Variants in NDUFA11 observed in about 807,000 individuals in gnomAD.
The protein encoded by NDUFA11 is NADH:ubiquinone oxidoreductase subunit A11.
NDUFA11 carries 14 observed loss-of-function variants against 11.3 expected under a neutral mutation model. The observed-to-expected ratio is 1.24, with a 90% CI of 0.82 to 1.94. The LOEUF is 1.94. Ranked by LOEUF, NDUFA11 falls within the 30% of genes most tolerant of loss-of-function variation. The probability of loss-of-function intolerance (pLI) is 0.00; values close to 1 mark genes in which losing one functional copy is unlikely to be tolerated. For missense variants in NDUFA11, 204 were observed against 200.3 expected, an observed-to-expected ratio of 1.02 and a Z score of -0.11; for synonymous variants, 87 against 85.6, an observed-to-expected ratio of 1.02 and a Z score of -0.09.
chr19:5,896,765 G>T lies in NDUFA11; in HGVS notation c.190+140C>A. 1 of 1,179,346 alleles carries T rather than the reference G, an allele frequency of 8.5e-7. No homozygotes were observed. The highest frequency in any genetic ancestry group is 1.3e-6 in the Non-Finnish European group (1 of 793,144). 73.1% of individuals were successfully genotyped at this position (1,179,346 alleles called of 1,614,324 possible). On this transcript the variant is annotated intron_variant, in intron 2 of 3. Coordinates refer to ENST00000308961, the MANE Select transcript of NDUFA11 (RefSeq NM_175614.5). The surrounding 1 kb of genome is among the most constrained non-coding windows in gnomAD (Gnocchi z 5.8). ...CACCCTACATGTATTCCTGATAAAG[G>T]AACACCCCACTTTCTCCGGATGGCC...
In NDUFA11 at chr19:5,894,799, G is replaced by C; in HGVS notation, c.369C>G (p.Ser123=). Residue 123 remains serine, a synonymous_variant, in exon 4 of 4, where the codon TCC becomes TCG. Transcript: ENST00000308961. ...AACVYFGIAA[S]LVKMGRLEGW... is the part of the protein sequence containing the mutation. ...CCTCCAGCCGGCCCATCTTGACCAG[G>C]GAGGCCGCTATGCCAAAGTACACGC... The C allele has an allele frequency of 6.2e-7, 1 of 1,613,690 alleles. No homozygotes were observed.
chr19:5,901,638 C>T (rs4807055), intron 1 of NDUFA11: 125,624 of 274,574 alleles, frequency 0.46, 30,777 homozygotes, highest in East Asian at 0.68. Flanking sequence ...CTTATAGACA[C>T]ACCAGGTTGT....
downstream of NDUFA11, chr19:5,892,991 C>T (rs1462960490): frequency 1.3e-6 from 2 of 1,523,602 alleles, no homozygotes; most frequent in East Asian, 2.5e-5. Context: ...AGGGCCCCTG[C>T]CCCTCTGGGT....
downstream of NDUFA11, chr19:5,892,757 C>T: frequency 1.0e-6 from 1 of 990,434 alleles, no homozygotes; most frequent in Non-Finnish European, 1.4e-6. Flanking sequence ...GGCCGGTGCC[C>T]TCGAGTGGAT....
chr19:5,898,737 G>A (rs961197549), intron 1 of NDUFA11, among the ~76,000 whole-genome samples: 1 of 152,068 alleles, frequency 6.6e-6, no homozygotes, highest in Non-Finnish European at 1.5e-5. Flanking sequence ...AGCCAGGCAT[G>A]GTGGTACACA....
Position 5,896,920 on chromosome 19 carries a change from A to G in NDUFA11, c.175T>C (p.Tyr59His), listed in dbSNP as rs1398141696. 2 of 1,613,910 alleles carry G rather than the reference A, an allele frequency of 1.2e-6. No individual in the cohort carries two copies. Among genetic ancestry groups the G allele is most frequent in the Non-Finnish European group, 1.7e-6 (2 of 1,179,932 alleles). ...GCGTGCTCACCTGCAGTGAACGTGT[A>G]TTGTCCAACCTTAGCCACTCCTTCA... ...FLEGVAKVGQ[Y>H]TFTAAAVGAV... The change falls in exon 2 of 4, where the codon TAC (tyrosine) becomes CAC (histidine). Residue 59 changes from tyrosine to histidine, a missense_variant. Physicochemically the swap from Tyr to His is moderately conservative, Grantham distance 83. Coordinates refer to ENST00000308961, the MANE Select transcript of NDUFA11 (RefSeq NM_175614.5). This position sits in a 1 kb window ranked among gnomAD's most constrained non-coding sequence, Gnocchi z 5.8.
At chr19:5,901,280 C>A in intron 1 of NDUFA11, 1 of 1,253,162 alleles carries the variant, frequency 8.0e-7, no homozygotes, top group Non-Finnish European at 1.0e-6. Flanking sequence ...GTTTCAGATC[C>A]TATCCCCTGG....
chr19:5,892,937 C>G, downstream of NDUFA11: 2 of 1,452,058 alleles, frequency 1.4e-6, no homozygotes, highest in South Asian at 1.4e-5. Flanking sequence ...GGGTTCGAAC[C>G]CAGAGTGTTT....
At chr19:5,893,299 A>T, downstream of NDUFA11, 2 of 1,109,920 alleles carry the variant, frequency 1.8e-6, no homozygotes, top group Non-Finnish European at 2.6e-6. The surrounding 1 kb of genome is among the most constrained non-coding windows in gnomAD (Gnocchi z 4.1). Flanking sequence ...CTCTACAAAA[A>T]ATAAAAATAA....
downstream of NDUFA11, chr19:5,894,573 G>T: frequency 7.3e-7 from 1 of 1,373,958 alleles, no homozygotes; most frequent in Non-Finnish European, 9.9e-7. Context: ...GCAGGCAGGC[G>T]CGTGTGCAGG....
Position 5,896,293 on chromosome 19 carries a change from G to T in NDUFA11, c.313+160C>A. The T allele has an allele frequency of 1.2e-6, 1 of 845,098 alleles. No homozygotes were observed. The highest frequency in any genetic ancestry group is 1.8e-6 in the Non-Finnish European group (1 of 548,282). The allele number at this position is 845,098 out of a possible 1,614,324, so 52.3% of individuals were successfully genotyped here. A position where few individuals can be genotyped will look rare whatever the true frequency, so the allele number is the denominator to read the frequency against. ...AGGGAGGGCCACAGTAGGTGCTTAAGCAGCAGCAGCAGCTGTCGCTATGAC... is the reference window on the plus strand; with the variant it reads ...AGGGAGGGCCACAGTAGGTGCTTAATCAGCAGCAGCAGCTGTCGCTATGAC... On this transcript the variant is annotated intron_variant, in intron 3 of 3. Transcript: ENST00000308961. The surrounding 1 kb of genome is among the most constrained non-coding windows in gnomAD (Gnocchi z 5.8).
At chr19:5,893,516 GT>G, downstream of NDUFA11, among the ~76,000 whole-genome samples, 1 of 152,184 alleles carries the variant, frequency 6.6e-6, no homozygotes, top group Middle Eastern at 3.4e-3. This position sits in a 1 kb window ranked among gnomAD's most constrained non-coding sequence, Gnocchi z 4.1. Context: ...GCCCAGGCTG[GT>G]TCCAAGCTCC....
chr19:5,893,719 C>T (rs772056709), downstream of NDUFA11, among the ~76,000 whole-genome samples: 6 of 152,096 alleles, frequency 3.9e-5, no homozygotes, highest in African/African-American at 7.2e-5. The surrounding 1 kb of genome is among the most constrained non-coding windows in gnomAD (Gnocchi z 4.1). Flanking sequence ...AGTTACTACT[C>T]GGGGGTGGAC....
downstream of NDUFA11, chr19:5,891,670 CCT>C (rs1568428539): frequency 6.6e-6 from 1 of 152,420 alleles, no homozygotes; most frequent in East Asian, 1.9e-4. Flanking sequence ...CCAGGAGGCC[CCT>C]GATCGCCCAC....
At position 5,898,551 on chromosome 19, in the gene NDUFA11, A is replaced by G. The variant is rs543482252; in HGVS notation, c.98-1554T>C. Among the ~76,000 whole-genome samples, 5 of 151,886 alleles carry G rather than the reference A, an allele frequency of 3.3e-5. No individual in the cohort carries two copies. In the South Asian group the frequency reaches 1.0e-3, roughly 32 times the overall value. On this transcript the variant is annotated intron_variant, in intron 1 of 3. Transcript: ENST00000308961. ...TCTGGTTTCTCCTAATCCTACACCA[A>G]CCCCTGGGATTCCTGCTCGACCTCA...
At chr19:5,901,164 T>A in intron 1 of NDUFA11, 1 of 489,068 alleles carries the variant, frequency 2.0e-6, no homozygotes, top group Non-Finnish European at 3.1e-6. Context: ...CGAGACAAGC[T>A]GTCTCCTCCA....
At chr19:5,902,887 C>G (rs373350637) in intron 1 of NDUFA11, among the ~76,000 whole-genome samples, 3 of 151,608 alleles carry the variant, frequency 2.0e-5, no homozygotes, top group Non-Finnish European at 4.4e-5. Context: ...GGCGTGAGCC[C>G]GTAATCCCAG....
intron 1 of NDUFA11, among the ~76,000 whole-genome samples, chr19:5,898,746 C>T (rs1218288875): frequency 6.6e-6 from 1 of 152,046 alleles, no homozygotes; most frequent in East Asian, 1.9e-4. Context: ...TGGTGGTACA[C>T]ATCTGTAGTC....
At chr19:5,894,663 C>A (rs762363169), downstream of NDUFA11, 1 of 1,559,592 alleles carries the variant, frequency 6.4e-7, no homozygotes. Context: ...TCAAGCCCTC[C>A]GGACACTGAC....
Sources: allele counts gnomAD v4.1 joint callset (sites outside exome capture counted in the v4.1 genomes callset), GRCh38; gene constraint gnomAD v4.1.1; non-coding constraint Gnocchi (gnomAD v3.1); transcripts MANE v1.5; gene names NCBI Gene and HGNC (gene_info 2026-07-23, HGNC 2026-07-21).